Variants in TYW1B observed in about 807,000 individuals in gnomAD.
TYW1B encodes the protein tRNA-yW synthesizing protein 1 homolog B, also known as S-adenosyl-L-methionine-dependent tRNA 4-demethylwyosine synthase TYW1B.
TYW1B carries 73 observed loss-of-function variants against 86.9 expected under a neutral mutation model. The ratio of observed to expected loss-of-function variants is 0.84; its 90% confidence interval spans 0.70 to 1.02. The LOEUF (loss-of-function observed/expected upper bound fraction) is 1.02, where lower values mean the gene tolerates loss of function less well. TYW1B is among the 50% of genes least tolerant of loss of function. TYW1B has a pLI of 0.00. For synonymous variants in TYW1B, 248 were observed against 292.8 expected, an observed-to-expected ratio of 0.85 and a Z score of 1.56; for missense variants, 637 against 827.4, an observed-to-expected ratio of 0.77 and a Z score of 2.82.
chr7:72,698,216 C>T (rs13225663), intron 10 of TYW1B, among the ~76,000 whole-genome samples: 15 of 152,136 alleles, frequency 9.9e-5, no homozygotes, highest in Non-Finnish European at 2.1e-4. Context: ...CACACTCTGC[C>T]GTGTGCTTTA....
At chr7:72,659,327 C>G (rs1554444140) in intron 11 of TYW1B, among the ~76,000 whole-genome samples, 1 of 152,138 alleles carries the variant, frequency 6.6e-6, no homozygotes, top group African/African-American at 2.4e-5. Context: ...GCCTGCAATC[C>G]CAGCACTCTG....
In TYW1B at chr7:72,780,033, T is replaced by A. The variant is rs530225245; in HGVS notation, c.847-2500A>T. On this transcript the variant is annotated intron_variant, in intron 6 of 13. Coordinates refer to ENST00000620995, the MANE Select transcript of TYW1B (RefSeq NM_001145440.3). ...AAAATTCATAAACAAACATCAATCATTTGTTCTTATAATAAATGTAATTAG... is the reference window on the plus strand; with the variant it reads ...AAAATTCATAAACAAACATCAATCAATTGTTCTTATAATAAATGTAATTAG... Among the ~76,000 whole-genome samples, 4 of 152,280 alleles carry A rather than the reference T, an allele frequency of 2.6e-5. No homozygotes were observed. The South Asian group carries it at 8.3e-4, about 32-fold the overall frequency.
At chr7:72,775,033 T>C (rs1406909918) in intron 7 of TYW1B, among the ~76,000 whole-genome samples, 3 of 152,114 alleles carry the variant, frequency 2.0e-5, no homozygotes, top group East Asian at 1.9e-4. Context: ...AAACCTATTA[T>C]ATAGGATTAA....
intron 7 of TYW1B, among the ~76,000 whole-genome samples, chr7:72,773,066 G>A (rs1194586511): frequency 2.0e-5 from 3 of 152,186 alleles, no homozygotes; most frequent in Middle Eastern, 3.4e-3. Flanking sequence ...AGTTCCTCTC[G>A]TGGAATTCCA....
intron 8 of TYW1B, among the ~76,000 whole-genome samples, chr7:72,741,453 T>A (rs1211313424): frequency 6.6e-6 from 1 of 151,746 alleles, no homozygotes; most frequent in Admixed American, 6.6e-5. Flanking sequence ...GTGAAGAAAA[T>A]TGAACAGAGT....
chr7:72,704,433 TA>T (rs1162253814), intron 10 of TYW1B, among the ~76,000 whole-genome samples: 65,449 of 92,272 alleles, frequency 0.71, 23,145 homozygotes, highest in Non-Finnish European at 0.77. Context: ...GATTCTATCT[TA>T]AAAAAAAAAA....
rs868981260 is a variant in TYW1B at position 72,635,411 on chromosome 7, G to A, written c.1507-6414C>T. On this transcript the variant is annotated intron_variant, in intron 11 of 13. Coordinates refer to ENST00000620995, the MANE Select transcript of TYW1B (RefSeq NM_001145440.3). ...CGCAGGGGACAATTAGCAACATCTTGAGAAAATTTTTTGGTTTTCACAAAT... is the reference window on the plus strand; with the variant it reads ...CGCAGGGGACAATTAGCAACATCTTAAGAAAATTTTTTGGTTTTCACAAAT... 6.6e-5 allele frequency among the ~76,000 whole-genome samples: 10 copies of A among 152,216 alleles called. No homozygotes were observed. The South Asian group carries it at 8.3e-4, about 13-fold the overall frequency.
At chr7:72,638,922 A>G (rs1317021018) in intron 11 of TYW1B, among the ~76,000 whole-genome samples, 1 of 152,274 alleles carries the variant, frequency 6.6e-6, no homozygotes, top group African/African-American at 2.4e-5. Context: ...AGAAACACAG[A>G]CTATATTAAA....
At chr7:72,747,753 A>G (rs1455374413) in intron 7 of TYW1B, among the ~76,000 whole-genome samples, 3 of 152,220 alleles carry the variant, frequency 2.0e-5, no homozygotes, top group African/African-American at 7.2e-5. Context: ...AACCTACAGA[A>G]TCAATTTGGG....
intron 6 of TYW1B, among the ~76,000 whole-genome samples, chr7:72,784,881 C>T (rs1244828506): frequency 3.3e-5 from 5 of 152,054 alleles, no homozygotes; most frequent in African/African-American, 1.2e-4. Context: ...AATCACATTG[C>T]CTCCCACTGC....
intron 11 of TYW1B, among the ~76,000 whole-genome samples, chr7:72,637,606 G>T (rs1554440948): frequency 1.3e-5 from 2 of 149,242 alleles, no homozygotes; most frequent in African/African-American, 4.9e-5. Flanking sequence ...CCTATTTTAT[G>T]GATATTTTTT....
chr7:72,753,462 C>A (rs1319252791), intron 7 of TYW1B, among the ~76,000 whole-genome samples: 3 of 150,412 alleles, frequency 2.0e-5, no homozygotes, highest in Non-Finnish European at 4.4e-5. Context: ...TCGCTGAAGG[C>A]TCAGATGATC....
chr7:72,754,051 CCT>C (rs1284532143), intron 7 of TYW1B, among the ~76,000 whole-genome samples: 1 of 152,108 alleles, frequency 6.6e-6, no homozygotes, highest in African/African-American at 2.4e-5. Flanking sequence ...GGGTTATTTC[CCT>C]CTCTTATCAC....
intron 12 of TYW1B, among the ~76,000 whole-genome samples, chr7:72,626,645 A>G (rs1416825884): frequency 1.3e-5 from 2 of 152,138 alleles, no homozygotes; most frequent in Non-Finnish European, 2.9e-5. Flanking sequence ...CCCAGGTGCT[A>G]TTCTTGATTC....
At position 72,777,357 on chromosome 7, in the gene TYW1B, T is replaced by A. The variant is rs538440438; in HGVS notation, c.964+59A>T. The A allele has an allele frequency of 4.4e-6, 7 of 1,577,962 alleles. No individual in the cohort carries two copies. The South Asian group carries it at 7.9e-5, about 18-fold the overall frequency. ...AATTAGAGAGAGACTTCATTCTAGG[T>A]ATCAAATGAGAATGCCTAAGACTAT... On this transcript the variant is annotated intron_variant, in intron 7 of 13. Transcript: ENST00000620995.
intron 6 of TYW1B, among the ~76,000 whole-genome samples, chr7:72,778,945 T>A (rs1242308512): frequency 2.0e-5 from 3 of 152,052 alleles, no homozygotes; most frequent in Admixed American, 2.0e-4. Flanking sequence ...TTTTAAAAGT[T>A]TATTTGTGTA....
chr7:72,698,592 G>A (rs1486422639), intron 10 of TYW1B, among the ~76,000 whole-genome samples: 1 of 150,028 alleles, frequency 6.7e-6, no homozygotes, highest in East Asian at 2.0e-4. Flanking sequence ...GCTGCAGTGA[G>A]CCGAGATCAC....
intron 13 of TYW1B, among the ~76,000 whole-genome samples, chr7:72,588,915 T>G (rs1436691078): frequency 6.6e-6 from 1 of 151,864 alleles, no homozygotes; most frequent in African/African-American, 2.4e-5. Flanking sequence ...TGGGTTCAAG[T>G]GATTTTCCTG....
chr7:72,743,903 C>A (rs1475205243), intron 8 of TYW1B, among the ~76,000 whole-genome samples: 5 of 151,586 alleles, frequency 3.3e-5, no homozygotes, highest in African/African-American at 1.2e-4. Context: ...GCACCACCAC[C>A]CCCAAAAAGA....
Sources: gnomAD v4.1 joint callset for allele counts (sites outside exome capture counted in the v4.1 genomes callset) on GRCh38, gnomAD v4.1.1 for gene constraint, MANE v1.5 for transcripts, NCBI Gene and HGNC (gene_info 2026-07-23, HGNC 2026-07-21) for gene names.